FYN: variants seen among roughly 807,000 people sequenced by gnomAD.
FYN encodes the protein FYN proto-oncogene, Src family tyrosine kinase.
In FYN, 10 loss-of-function variants were observed where a neutral mutation model predicts 70.2. The ratio of observed to expected loss-of-function variants is 0.14; its 90% confidence interval spans 0.09 to 0.24. The LOEUF (loss-of-function observed/expected upper bound fraction) is 0.24. FYN is among the 10% of genes least tolerant of loss of function. The probability of loss-of-function intolerance (pLI) is 1.00; values close to 1 mark genes in which losing one functional copy is unlikely to be tolerated. For synonymous variants in FYN, 236 were observed against 248.6 expected, an observed-to-expected ratio of 0.95 and a Z score of 0.48; for missense variants, 319 against 673.1, an observed-to-expected ratio of 0.47 and a Z score of 5.82.
At chr6:111,716,875 C>G (rs2128459428) in intron 4 of FYN, among the ~76,000 whole-genome samples, 1 of 151,500 alleles carries the variant, frequency 6.6e-6, no homozygotes, top group Non-Finnish European at 1.5e-5. Context: ...ACCTCCGCCT[C>G]CCGGGTTCAA....
At chr6:111,720,152 T>C in intron 3 of FYN, 90 bp from the exon 4 acceptor site, 7 of 1,449,112 alleles carry the variant, frequency 4.8e-6, no homozygotes, top group Middle Eastern at 1.8e-4. Flanking sequence ...TTGACAAGGC[T>C]CACTGTTGGC....
At chr6:111,717,531 G>A (rs950973711) in intron 4 of FYN, among the ~76,000 whole-genome samples, 4 of 151,438 alleles carry the variant, frequency 2.6e-5, no homozygotes, top group Admixed American at 1.3e-4. Flanking sequence ...GCGTGATCTC[G>A]GCTCACTGCA....
intron 2 of FYN, among the ~76,000 whole-genome samples, chr6:111,815,165 C>T (rs753740856): frequency 3.3e-5 from 5 of 151,724 alleles, no homozygotes; most frequent in Non-Finnish European, 7.4e-5. Context: ...AGGTTCAGAG[C>T]AGACACCTAT....
intron 13 of FYN, among the ~76,000 whole-genome samples, chr6:111,672,580 C>T (rs1293910884): frequency 6.6e-6 from 1 of 152,088 alleles, no homozygotes; most frequent in Non-Finnish European, 1.5e-5. Context: ...TGATAATAAA[C>T]AAGGAATAAA....
At chr6:111,774,564 C>T (rs781771297) in intron 3 of FYN, among the ~76,000 whole-genome samples, 17 of 152,010 alleles carry the variant, frequency 1.1e-4, no homozygotes, top group Non-Finnish European at 1.8e-4. Context: ...ACAAACCCCT[C>T]CCCATCCCCC....
intron 6 of FYN, among the ~76,000 whole-genome samples, chr6:111,707,193 T>A (rs1380560158): frequency 6.6e-6 from 1 of 152,216 alleles, no homozygotes; most frequent in African/African-American, 2.4e-5. Context: ...GCTCCATCTC[T>A]CCTTCCCTCA....
At chr6:111,734,816 G>GC (rs1484289042) in intron 3 of FYN, among the ~76,000 whole-genome samples, 2 of 152,044 alleles carry the variant, frequency 1.3e-5, no homozygotes, top group Non-Finnish European at 2.9e-5. Flanking sequence ...TTTATATTCA[G>GC]CCCCAGCTCT....
intron 3 of FYN, among the ~76,000 whole-genome samples, chr6:111,735,968 T>C: frequency 6.6e-6 from 1 of 151,720 alleles, no homozygotes; most frequent in Admixed American, 6.6e-5. Context: ...CTGGTAGGAG[T>C]GAGAAATAGG....
At chr6:111,704,129 T>C (rs546441563) in intron 6 of FYN, 27 bp from the exon 7 acceptor site, 4 of 1,582,736 alleles carry the variant, frequency 2.5e-6, no homozygotes, top group African/African-American at 2.7e-5. Flanking sequence ...GGAAAGAAAA[T>C]ATTTTGAAAT....
rs114985415 is a variant in FYN at position 111,796,437 on chromosome 6, C to T, written c.-81-15802G>A. On this transcript the variant is annotated intron_variant, in intron 2 of 13. Transcript: ENST00000354650. ...TTGTAACCAGAAGCAGTGGGCTATA[C>T]CATAGAGACTAGGTGTGTAGTAGGT... Among the ~76,000 whole-genome samples, 231 of 152,204 alleles carry T rather than the reference C, an allele frequency of 1.5e-3. 2 individuals carry two copies. Among genetic ancestry groups the T allele is most frequent in the African/African-American group, 5.3e-3 (220 of 41,514 alleles).
At chr6:111,696,674 T>G in intron 9 of FYN, 1 of 423,446 alleles carries the variant, frequency 2.4e-6, no homozygotes, top group Non-Finnish European at 4.1e-6. Flanking sequence ...ATATTAAGAT[T>G]TATAACTCAT....
At chr6:111,859,227 T>C (rs1305118694) in intron 1 of FYN, among the ~76,000 whole-genome samples, 1 of 152,212 alleles carries the variant, frequency 6.6e-6, no homozygotes, top group African/African-American at 2.4e-5. Flanking sequence ...ATTCATATGA[T>C]GTTTTCTCTA....
At position 111,660,480 on chromosome 6, in the gene FYN, T is replaced by G. The variant is rs1332272920; in HGVS notation, c.*1259A>C. The G allele has an allele frequency of 6.6e-6, 1 of 152,234 alleles. No homozygotes were observed. The highest frequency in any genetic ancestry group is 2.4e-5 in the African/African-American group (1 of 41,454). 9.4% of individuals were successfully genotyped at this position (152,234 alleles called of 1,614,324 possible). A position where few individuals can be genotyped will look rare whatever the true frequency, so the allele number is the denominator to read the frequency against. ...TAAAAACTCAATAGAAATAGGATTT[T>G]TGATTTGTTGTTGTTAAACATATGT... On this transcript the variant is annotated 3_prime_UTR_variant, in exon 14 of 14. Transcript: ENST00000354650.
intron 2 of FYN, among the ~76,000 whole-genome samples, chr6:111,835,603 A>T (rs1451324000): frequency 2.6e-5 from 4 of 152,208 alleles, no homozygotes; most frequent in Non-Finnish European, 5.9e-5. Flanking sequence ...ATACAATCTA[A>T]ACTAATCCCA....
intron 2 of FYN, among the ~76,000 whole-genome samples, chr6:111,802,322 C>T (rs917444783): frequency 6.6e-6 from 1 of 152,150 alleles, no homozygotes; most frequent in African/African-American, 2.4e-5. Context: ...TTGTAAATGT[C>T]CTGAGGCCTC....
chr6:111,720,061 TCCTGC>T lies in FYN; in HGVS notation c.-11-4_-11del. ...ATTGCACACAGCCCATTATCTAAAT[TCCTGC>T]CAAAGACAAAAAAGGGGGCACGTAA... On this transcript the variant is annotated splice_acceptor_variant and splice_polypyrimidine_tract_variant and 5_prime_UTR_variant and intron_variant, in exon 4 of 14. Coordinates refer to ENST00000354650, the MANE Select transcript of FYN (RefSeq NM_002037.5). LOFTEE classifies it low-confidence loss of function (5UTR_SPLICE). 6.3e-7 allele frequency: 1 copy of T among 1,580,168 alleles called. No individual in the cohort carries two copies. Among genetic ancestry groups the T allele is most frequent in the Admixed American group, 1.7e-5 (1 of 57,650 alleles).
intron 2 of FYN, among the ~76,000 whole-genome samples, chr6:111,833,501 G>C (rs939835799): frequency 1.3e-5 from 2 of 152,134 alleles, no homozygotes; most frequent in Admixed American, 6.5e-5. Flanking sequence ...TGCTGATCAG[G>C]GAAAACTGAG....
intron 12 of FYN, among the ~76,000 whole-genome samples, chr6:111,688,583 C>T (rs182022088): frequency 1.3e-4 from 20 of 152,332 alleles, no homozygotes; most frequent in African/African-American, 4.8e-4. Context: ...GTAAGACCGA[C>T]TCCACAGATA....
At chr6:111,751,884 G>A (rs913440648) in intron 3 of FYN, among the ~76,000 whole-genome samples, 1 of 152,140 alleles carries the variant, frequency 6.6e-6, no homozygotes, top group Non-Finnish European at 1.5e-5. Context: ...CTCTCAAAGT[G>A]CTGGGATTAC....
Sources: allele counts gnomAD v4.1 joint callset (sites outside exome capture counted in the v4.1 genomes callset), GRCh38; gene constraint gnomAD v4.1.1; transcripts MANE v1.5; gene names NCBI Gene and HGNC (gene_info 2026-07-23, HGNC 2026-07-21).